The following SLC35F5 variants were observed in gnomAD, a reference collection of about 807,000 sequenced individuals.
The protein encoded by SLC35F5 is HCV NS5A-transactivated protein 3.
In SLC35F5, 54 loss-of-function variants were observed where a neutral mutation model predicts 68.6. That is an observed-to-expected ratio of 0.79 (90% CI 0.63 to 0.99). The LOEUF (loss-of-function observed/expected upper bound fraction) is 0.99, where lower values mean the gene tolerates loss of function less well. Ranked by LOEUF, SLC35F5 falls within the 50% of genes least tolerant of loss-of-function variation. SLC35F5 has a pLI of 0.00. For synonymous variants in SLC35F5, 211 were observed against 205.2 expected (o/e 1.03, Z -0.24); for missense variants, 567 against 626.9 (o/e 0.90, Z 1.02).
intron 4 of SLC35F5, 72 bp from the exon 5 acceptor site, chr2:113,746,411 C>G: frequency 8.0e-7 from 1 of 1,249,612 alleles, no homozygotes; most frequent in Non-Finnish European, 1.2e-6. Flanking sequence ...AGACGTAACT[C>G]AGATAAATAG....
At chr2:113,736,734 A>G (rs1688112111) in intron 7 of SLC35F5, among the ~76,000 whole-genome samples, 1 of 152,192 alleles carries the variant, frequency 6.6e-6, no homozygotes. Context: ...AACACAACCC[A>G]AAGAGTTCTC....
chr2:113,756,351 C>A lies in SLC35F5; in HGVS notation c.40+19G>T, dbSNP rs1229185127. On this transcript the variant is annotated intron_variant, in intron 1 of 15. Coordinates refer to ENST00000245680, the MANE Select transcript of SLC35F5 (RefSeq NM_025181.5). ...GGTTTGGGCTCCGGTGATGTCGGGGCCCTTCCCTGCCTGCCTACCTGGCCT... is the reference window on the plus strand; with the variant it reads ...GGTTTGGGCTCCGGTGATGTCGGGGACCTTCCCTGCCTGCCTACCTGGCCT... 1 of 1,567,778 alleles carries A rather than the reference C, an allele frequency of 6.4e-7. No homozygotes were observed.
intron 11 of SLC35F5, among the ~76,000 whole-genome samples, chr2:113,729,114 A>G (rs1385176163): frequency 6.6e-6 from 1 of 152,248 alleles, no homozygotes; most frequent in Non-Finnish European, 1.5e-5. Context: ...AATCTGTCCT[A>G]TCAGTGAGAT....
At chr2:113,743,887 T>C (rs925845249) in intron 5 of SLC35F5, 93 bp from the exon 6 acceptor site, 1 of 994,104 alleles carries the variant, frequency 1.0e-6, no homozygotes, top group South Asian at 2.1e-5. Context: ...ACAAATACCA[T>C]CTAAAACGTG....
At chr2:113,738,969 ATC>A (rs1441956418) in intron 7 of SLC35F5, among the ~76,000 whole-genome samples, 2 of 152,192 alleles carry the variant, frequency 1.3e-5, no homozygotes, top group African/African-American at 4.8e-5. Flanking sequence ...AATTGATAAC[ATC>A]TGTTTCCTTT....
At chr2:113,703,324 AAAGC>A (rs1273751212), downstream of SLC35F5, among the ~76,000 whole-genome samples, 1 of 152,212 alleles carries the variant, frequency 6.6e-6, no homozygotes, top group Non-Finnish European at 1.5e-5. Flanking sequence ...CCATATGCTA[AAAGC>A]AAGGATTTTT....
chr2:113,731,579 C>T lies in SLC35F5; in HGVS notation c.985+5G>A. 6.2e-7 allele frequency: 1 copy of T among 1,610,484 alleles called. No homozygotes were observed. The highest frequency in any genetic ancestry group is 1.3e-5 in the African/African-American group (1 of 74,920). ...AACAGAGAGAATCCAGAGTCCAGTA[C>T]TTACCTACTGTGTCTCTTCCAGCAG... On this transcript the variant is annotated splice_donor_5th_base_variant and intron_variant, in intron 10 of 15. Coordinates refer to ENST00000245680, the MANE Select transcript of SLC35F5 (RefSeq NM_025181.5).
chr2:113,736,925 T>C (rs752801116), intron 7 of SLC35F5, among the ~76,000 whole-genome samples: 1 of 152,190 alleles, frequency 6.6e-6, no homozygotes, highest in Non-Finnish European at 1.5e-5. Context: ...ATTCATCCAT[T>C]TTTTTGTGGA....
At chr2:113,738,419 G>A (rs1250072258) in intron 7 of SLC35F5, among the ~76,000 whole-genome samples, 4 of 151,968 alleles carry the variant, frequency 2.6e-5, no homozygotes, top group Non-Finnish European at 5.9e-5. Flanking sequence ...GTTGCAAATG[G>A]CGGATTTCCT....
intron 7 of SLC35F5, 74 bp from the exon 8 acceptor site, chr2:113,735,932 CTT>C (rs142249018): frequency 1.1e-6 from 1 of 913,988 alleles, no homozygotes; most frequent in Non-Finnish European, 1.7e-6. Flanking sequence ...TCAGAATTCC[CTT>C]TTTTGTTCTC....
intron 3 of SLC35F5, 88 bp from the exon 4 acceptor site, chr2:113,750,656 A>C: frequency 8.5e-7 from 1 of 1,175,736 alleles, no homozygotes; most frequent in Non-Finnish European, 1.1e-6. Flanking sequence ...CATGATTTTT[A>C]ACTCTTCAGA....
chr2:113,706,484 A>C (rs542027932), downstream of SLC35F5, among the ~76,000 whole-genome samples: 1 of 152,242 alleles, frequency 6.6e-6, no homozygotes, highest in Non-Finnish European at 1.5e-5. Context: ...TTGGAGGAAA[A>C]GTTCAATGGA....
chr2:113,721,971 CTT>C lies in SLC35F5; in HGVS notation c.1341+1131_1341+1132del, dbSNP rs71297192. ...AGCACTAAGCATATTTTGCTTTTAT[CTT>C]TTTTTTTTTTTTTTTTTTTGAGATG... On this transcript the variant is annotated intron_variant, in intron 13 of 15. Coordinates refer to ENST00000245680, the MANE Select transcript of SLC35F5 (RefSeq NM_025181.5). Among the ~76,000 whole-genome samples the C allele has an allele frequency of 5.2e-4, 56 of 107,652 alleles. No individual in the cohort carries two copies. The Middle Eastern group carries it at 0.023, about 44-fold the overall frequency. 70.6% of individuals were successfully genotyped at this position (107,652 alleles called of 152,430 possible).
chr2:113,727,256 A>T (rs1687699510), intron 11 of SLC35F5, among the ~76,000 whole-genome samples: 1 of 152,156 alleles, frequency 6.6e-6, no homozygotes, highest in African/African-American at 2.4e-5. Context: ...CAGAACTGTG[A>T]GTCAATTAAA....
At position 113,707,775 on chromosome 2, in the gene SLC35F5, G is replaced by T. The variant is rs1171357838; in HGVS notation, c.*7443C>A. Among the ~76,000 whole-genome samples, 2 of 152,006 alleles carry T rather than the reference G, an allele frequency of 1.3e-5. No homozygotes were observed. Among genetic ancestry groups the T allele is most frequent in the African/African-American group, 4.8e-5 (2 of 41,386 alleles). ...GGGGTTTCTCCATGTTGGTCACACT[G>T]GTTTTGAACTCCTAATCTCAGGTGA... On this transcript the variant is annotated 3_prime_UTR_variant, in exon 16 of 16. Transcript: ENST00000245680.
intron 1 of SLC35F5, chr2:113,755,795 G>T: frequency 1.3e-6 from 2 of 1,487,058 alleles, no homozygotes; most frequent in Non-Finnish European, 1.8e-6. Context: ...GCACATTTAA[G>T]AACAGTTAAC....
At chr2:113,734,403 C>G (rs968867860) in intron 9 of SLC35F5, among the ~76,000 whole-genome samples, 183 bp downstream of exon 9, 3 of 152,158 alleles carry the variant, frequency 2.0e-5, no homozygotes, top group Admixed American at 6.5e-5. Flanking sequence ...TTACCCTACC[C>G]AGGAAGGTTT....
At chr2:113,727,628 C>G (rs866282355) in intron 11 of SLC35F5, among the ~76,000 whole-genome samples, 1 of 152,120 alleles carries the variant, frequency 6.6e-6, no homozygotes, top group Non-Finnish European at 1.5e-5. Flanking sequence ...AAGCGAAGTT[C>G]CAGCACAATC....
intron 7 of SLC35F5, chr2:113,741,808 T>C (rs1676288541): frequency 6.6e-6 from 1 of 152,198 alleles, no homozygotes; most frequent in East Asian, 1.9e-4. Context: ...AAATCTGCTA[T>C]AAAGAATAGT....
Sources: allele counts gnomAD v4.1 joint callset (sites outside exome capture counted in the v4.1 genomes callset), GRCh38; gene constraint gnomAD v4.1.1; transcripts MANE v1.5; gene names NCBI Gene and HGNC (gene_info 2026-07-23, HGNC 2026-07-21).